The following MCM10 variants were observed in gnomAD, a reference collection of about 807,000 sequenced individuals.
MCM10 encodes minichromosome maintenance 10 replication initiation factor.
MCM10 carries 91 observed loss-of-function variants against 109.9 expected under a neutral mutation model. The ratio of observed to expected loss-of-function variants is 0.83; its 90% CI spans 0.70 to 0.99. MCM10 has a LOEUF of 0.99. Among genes scored for constraint, MCM10 ranks in the 50% least tolerant of loss-of-function variants. The pLI is 0.00. For missense variants in MCM10, 1,077 were observed against 1,061.2 expected (o/e 1.01, Z -0.21); for synonymous variants, 380 against 387.2 (o/e 0.98, Z 0.22).
At chr10:13,192,665 G>A (rs940111187) in intron 13 of MCM10, 97 bp downstream of exon 13, 8 of 1,093,388 alleles carry the variant, frequency 7.3e-6, no homozygotes, top group East Asian at 7.2e-5. Flanking sequence ...TTCAGGTTTC[G>A]GTTGGCTGCG....
At chr10:13,188,458 C>T (rs1480908442) in intron 9 of MCM10, among the ~76,000 whole-genome samples, 1 of 152,164 alleles carries the variant, frequency 6.6e-6, no homozygotes, top group Non-Finnish European at 1.5e-5. Flanking sequence ...TCACTCCCAT[C>T]CCCACTCCCT....
In MCM10 at chr10:13,204,299, G is replaced by A. The variant is rs770193910; in HGVS notation, c.2433G>A (p.Arg811=). 4.3e-6 allele frequency: 7 copies of A among 1,614,076 alleles called. No individual in the cohort carries two copies. Among genetic ancestry groups the A allele is most frequent in the Non-Finnish European group, 3.4e-6 (4 of 1,180,034 alleles). ...HEYHWHDGVK[R]FFKCPCGNRS... is the part of the protein sequence containing the mutation. Reference sequence around the variant, plus strand: ...ACCACTGGCATGATGGTGTGAAGAGGTTTTTCAAATGTCCCTGTGGAAACA... The same window carrying A: ...ACCACTGGCATGATGGTGTGAAGAGATTTTTCAAATGTCCCTGTGGAAACA... The change falls in exon 18 of 20, where the codon AGG becomes AGA. Residue 811 remains arginine (R), a synonymous_variant. Coordinates refer to ENST00000378714, the MANE Select transcript of MCM10 (RefSeq NM_018518.5).
chr10:13,177,018 T>C (rs7068498), intron 6 of MCM10, among the ~76,000 whole-genome samples: 2,476 of 152,308 alleles, frequency 0.016, 57 homozygotes, highest in African/African-American at 0.043. Flanking sequence ...GTGGTTCTCA[T>C]TGAGGGGGCT....
At position 13,210,078 on chromosome 10, in the gene MCM10, G is replaced by A. The variant is rs981136201; in HGVS notation, c.*768G>A. 1.3e-5 allele frequency: 2 copies of A among 151,266 alleles called. No individual in the cohort carries two copies. Among genetic ancestry groups the A allele is most frequent in the Non-Finnish European group, 2.9e-5 (2 of 67,918 alleles). 9.4% of individuals were successfully genotyped at this position (151,266 alleles called of 1,614,324 possible). ...TTTAATTTTTTTATTTTTTATGACAGGGTCTCACTATGTCACCCTGGCTGG... is the reference window on the plus strand; with the variant it reads ...TTTAATTTTTTTATTTTTTATGACAAGGTCTCACTATGTCACCCTGGCTGG... On this transcript the variant is annotated 3_prime_UTR_variant, in exon 20 of 20. Coordinates refer to ENST00000378714, the MANE Select transcript of MCM10 (RefSeq NM_018518.5).
rs1485088492 is a variant in MCM10, at chr10:13,182,797, A to G, written c.931-136A>G. 5 of 619,120 alleles carry G rather than the reference A, an allele frequency of 8.1e-6. No homozygotes were observed. The highest frequency in any genetic ancestry group is 1.4e-5 in the Non-Finnish European group (5 of 360,702). The allele number at this position is 619,120 out of a possible 1,614,324, so 38.4% of individuals were successfully genotyped here. ...AAGTTATCACACATGCTGATGATAC[A>G]TATTTGAATAACAACAAAAAAACTT... On this transcript the variant is annotated intron_variant, in intron 7 of 19. Coordinates refer to ENST00000378714, the MANE Select transcript of MCM10 (RefSeq NM_018518.5). This position sits in a 1 kb window ranked among gnomAD's most constrained non-coding sequence, Gnocchi z 4.2.
At chr10:13,200,036 G>A (rs1423947597) in intron 16 of MCM10, among the ~76,000 whole-genome samples, 1 of 151,848 alleles carries the variant, frequency 6.6e-6, no homozygotes, top group Non-Finnish European at 1.5e-5. Context: ...CCCCATCAGG[G>A]CTCACTGCAG....
At chr10:13,166,022 T>A (rs986968568) in intron 2 of MCM10, among the ~76,000 whole-genome samples, 3 of 152,130 alleles carry the variant, frequency 2.0e-5, no homozygotes, top group Admixed American at 6.5e-5. Flanking sequence ...ATGTTCCTGC[T>A]TATATTTTAG....
In MCM10 at chr10:13,198,680, G is replaced by T. The variant is rs749529090; in HGVS notation, c.2120-9G>T. On this transcript the variant is annotated splice_polypyrimidine_tract_variant and intron_variant, in intron 15 of 19. Coordinates refer to ENST00000378714, the MANE Select transcript of MCM10 (RefSeq NM_018518.5). ...TGGTCGCTGCTAATGTTTGTTCCTTGTGCCCTAGCTGAGGATGAATTGGAG... is the reference window on the plus strand; with the variant it reads ...TGGTCGCTGCTAATGTTTGTTCCTTTTGCCCTAGCTGAGGATGAATTGGAG... 2.8e-5 allele frequency: 45 copies of T among 1,579,524 alleles called. No individual in the cohort carries two copies. Among genetic ancestry groups the T allele is most frequent in the Non-Finnish European group, 3.7e-5 (42 of 1,149,068 alleles).
rs1834196562 is a variant in MCM10, at chr10:13,180,501, G to T, written c.824G>T (p.Arg275Ile). Residue 275 changes from arginine (R) to isoleucine (I), a missense_variant, in exon 7 of 20, where the codon AGA becomes ATA. Arg to Ile is a moderately conservative substitution (Grantham distance 97, BLOSUM62 -3). Coordinates refer to ENST00000378714, the MANE Select transcript of MCM10 (RefSeq NM_018518.5). Reference protein sequence around the residue: ...NKKMTGRKLIRLSQIKEKMAR... With the variant: ...NKKMTGRKLIILSQIKEKMAR... ...AAAATGACCGGCCGAAAACTGATCA[G>T]ACTGTCTCAGATCAAGGAAAAGATG... 1.9e-6 allele frequency: 3 copies of T among 1,614,080 alleles called. No individual in the cohort carries two copies. The highest frequency in any genetic ancestry group is 3.3e-5 in the Admixed American group (2 of 60,002).
At position 13,192,360 on chromosome 10, in the gene MCM10, C is replaced by G. The variant is rs114656409; in HGVS notation, c.1622C>G (p.Ala541Gly). The change falls in exon 12 of 20, where the codon GCT (alanine) becomes GGT (glycine). Residue 541 changes from alanine to glycine, a missense_variant. Coordinates refer to ENST00000378714, the MANE Select transcript of MCM10 (RefSeq NM_018518.5). ...AAACAACATTTAGCCAAAGCCACAG[C>G]TTCAGGTACCATCAGCTGCATGGCC... Reference protein sequence around the residue: ...NLKQHLAKATASGIMGSPKPA... With the variant: ...NLKQHLAKATGSGIMGSPKPA... 2 of 1,612,756 alleles carry G rather than the reference C, an allele frequency of 1.2e-6. No individual in the cohort carries two copies. The highest frequency in any genetic ancestry group is 1.7e-6 in the Non-Finnish European group (2 of 1,179,468).
chr10:13,204,998 GTATGTATATATATATA>G (rs1185957976), intron 18 of MCM10, among the ~76,000 whole-genome samples: 419 of 19,528 alleles, frequency 0.021, 16 homozygotes, highest in South Asian at 0.051. Context: ...ATGTATGTAT[GTATGTATATATATATA>G]TATATATATA....
In MCM10 at chr10:13,193,741, A is replaced by G. The variant is rs1588475617; in HGVS notation, c.1745+1173A>G. Among the ~76,000 whole-genome samples the G allele has an allele frequency of 2.0e-5, 3 of 152,184 alleles. No individual in the cohort carries two copies. The East Asian group carries it at 5.8e-4, about 29-fold the overall frequency. ...AGCCTACAGATGACATAAATTATAT[A>G]CGTGGACACAGAAATATGTATGGAG... On this transcript the variant is annotated intron_variant, in intron 13 of 19. Coordinates refer to ENST00000378714, the MANE Select transcript of MCM10 (RefSeq NM_018518.5).
intron 6 of MCM10, among the ~76,000 whole-genome samples, chr10:13,180,052 G>A (rs544805445): frequency 6.6e-6 from 1 of 152,272 alleles, no homozygotes; most frequent in Admixed American, 6.5e-5. Flanking sequence ...CCAGGAGTTT[G>A]AGACCAGCCT....
intron 13 of MCM10, among the ~76,000 whole-genome samples, chr10:13,194,369 CA>C (rs1175927991): frequency 6.6e-6 from 1 of 151,976 alleles, no homozygotes; most frequent in Admixed American, 6.6e-5. Context: ...TCTCCAAAAA[CA>C]AAAGTAAAAT....
intron 2 of MCM10, among the ~76,000 whole-genome samples, chr10:13,167,532 C>T (rs752837152): frequency 4.0e-5 from 6 of 149,350 alleles, no homozygotes; most frequent in Middle Eastern, 3.2e-3. Context: ...ATCATCCTTG[C>T]GGAGGTTGAA....
intron 6 of MCM10, among the ~76,000 whole-genome samples, chr10:13,179,507 T>C (rs1481466673): frequency 6.6e-6 from 1 of 152,200 alleles, no homozygotes; most frequent in Non-Finnish European, 1.5e-5. Context: ...TCTTCATTGT[T>C]CAAACTTAGC....
rs570095418 is a variant in MCM10 at position 13,193,303 on chromosome 10, TA to T, written c.1745+749del. On this transcript the variant is annotated intron_variant, in intron 13 of 19. Transcript: ENST00000378714. ...GTGTTACTTGGCTTCAGCCAATAATTAAAAAAAAAAAAAATCAAGTGGAAAT... is the reference window on the plus strand; with the variant it reads ...GTGTTACTTGGCTTCAGCCAATAATTAAAAAAAAAAAAATCAAGTGGAAAT... 2.9e-3 allele frequency among the ~76,000 whole-genome samples: 413 copies of T among 144,290 alleles called. 1 individual carries two copies. The highest frequency in any genetic ancestry group is 6.0e-3 in the African/African-American group (236 of 39,628). 94.7% of individuals were successfully genotyped at this position (144,290 alleles called of 152,430 possible). A position where few individuals can be genotyped will look rare whatever the true frequency, so the allele number is the denominator to read the frequency against.
At chr10:13,180,952 C>A (rs1834202428) in intron 7 of MCM10, among the ~76,000 whole-genome samples, 1 of 152,146 alleles carries the variant, frequency 6.6e-6, no homozygotes, top group African/African-American at 2.4e-5. Context: ...CTGAGCTCAC[C>A]GATTCTTTGG....
chr10:13,185,797 G>A (rs1409549964), intron 8 of MCM10, among the ~76,000 whole-genome samples: 1 of 152,198 alleles, frequency 6.6e-6, no homozygotes, highest in Non-Finnish European at 1.5e-5. Flanking sequence ...GCCTCACTCT[G>A]TTGCCCAGGC....
Sources: gnomAD v4.1 joint callset for allele counts (sites outside exome capture counted in the v4.1 genomes callset) on GRCh38, gnomAD v4.1.1 for gene constraint, Gnocchi (gnomAD v3.1) non-coding constraint, MANE v1.5 for transcripts, NCBI Gene and HGNC (gene_info 2026-07-23, HGNC 2026-07-21) for gene names.